PCP4L1: variants seen among roughly 807,000 people sequenced by gnomAD.
PCP4L1 encodes Purkinje cell protein 4 like 1.
In PCP4L1, 9 loss-of-function variants were observed where a neutral mutation model predicts 9.6. The ratio of observed to expected loss-of-function variants is 0.94; its 90% CI spans 0.57 to 1.64. The LOEUF (loss-of-function observed/expected upper bound fraction) is 1.64, where lower values mean the gene tolerates loss of function less well. PCP4L1 is among the 40% of genes most tolerant of loss of function. The pLI is 0.00. For synonymous variants in PCP4L1, 31 were observed against 28.2 expected, an observed-to-expected ratio of 1.10 and a Z score of -0.31; for missense variants, 81 against 80.8, an observed-to-expected ratio of 1.00 and a Z score of -0.01.
intron 2 of PCP4L1, 23 bp from the exon 3 acceptor site, chr1:161,284,316 A>G (rs373713059): frequency 3.8e-5 from 61 of 1,613,872 alleles, no homozygotes; most frequent in Non-Finnish European, 4.6e-5. Flanking sequence ...TAACTCATTA[A>G]TGAGTCTCCC....
intron 1 of PCP4L1, among the ~76,000 whole-genome samples, chr1:161,265,200 G>A (rs183129138): frequency 7.2e-5 from 11 of 152,254 alleles, no homozygotes; most frequent in Middle Eastern, 3.4e-3. Context: ...TCGTTTGGCC[G>A]TTTGACTTCC....
intron 1 of PCP4L1, among the ~76,000 whole-genome samples, chr1:161,267,794 C>T (rs1427213223): frequency 6.6e-6 from 1 of 152,120 alleles, no homozygotes; most frequent in Non-Finnish European, 1.5e-5. Context: ...CTCACCGTGA[C>T]CTCTGCCTCC....
At chr1:161,259,583 C>T (rs968976329) in intron 1 of PCP4L1, among the ~76,000 whole-genome samples, 3 of 152,198 alleles carry the variant, frequency 2.0e-5, no homozygotes. Context: ...GTGCTTGTTA[C>T]AAACTAGGTC....
Position 161,282,316 on chromosome 1 carries a change from C to T in PCP4L1, c.10-1352C>T, listed in dbSNP as rs1406316581. Among the ~76,000 whole-genome samples the T allele has an allele frequency of 2.0e-5, 3 of 150,676 alleles. No homozygotes were observed. The East Asian group carries it at 6.0e-4, about 30-fold the overall frequency. On this transcript the variant is annotated intron_variant, in intron 1 of 2. Transcript: ENST00000504449. ...GCAGGAGAATCAGGCAGGGAGGTTG[C>T]AGTGAGCCGAGATGGCAGCAGTACA...
intron 1 of PCP4L1, among the ~76,000 whole-genome samples, chr1:161,262,543 T>G (rs1174266630): frequency 6.6e-6 from 1 of 152,150 alleles, no homozygotes; most frequent in African/African-American, 2.4e-5. Context: ...CCATTTATGT[T>G]GCTGGTTTTA....
At chr1:161,281,945 G>T (rs1323274435) in intron 1 of PCP4L1, among the ~76,000 whole-genome samples, 2 of 152,092 alleles carry the variant, frequency 1.3e-5, no homozygotes, top group African/African-American at 4.8e-5. Context: ...CCAGACGATG[G>T]GCGGCCAGGC....
At chr1:161,259,097 T>G in intron 1 of PCP4L1, 114 bp downstream of exon 1, 1 of 1,404,876 alleles carries the variant, frequency 7.1e-7, no homozygotes, top group Non-Finnish European at 9.4e-7. Context: ...CGAAGAACCC[T>G]CCAGGGGCGC....
At chr1:161,278,885 T>G (rs1054870714) in intron 1 of PCP4L1, among the ~76,000 whole-genome samples, 3 of 152,202 alleles carry the variant, frequency 2.0e-5, no homozygotes, top group African/African-American at 7.2e-5. Context: ...CAGGCTCAAG[T>G]GATCCTCCCA....
Position 161,271,841 on chromosome 1 carries a change from G to A in PCP4L1, c.10-11827G>A, listed in dbSNP as rs181538448. On this transcript the variant is annotated intron_variant, in intron 1 of 2. Coordinates refer to ENST00000504449, the MANE Select transcript of PCP4L1 (RefSeq NM_001102566.2). ...CTTTTTTGAGACAAGCTCTCACTCT[G>A]TCACCCAGGCTGGAGTGCAGTGGCA... Among the ~76,000 whole-genome samples, 418 of 151,054 alleles carry A rather than the reference G, an allele frequency of 2.8e-3. 1 individual carries two copies. The highest frequency in any genetic ancestry group is 6.9e-3 in the Middle Eastern group (2 of 290).
At chr1:161,264,980 G>T (rs1432368839) in intron 1 of PCP4L1, among the ~76,000 whole-genome samples, 1 of 152,194 alleles carries the variant, frequency 6.6e-6, no homozygotes, top group Non-Finnish European at 1.5e-5. Flanking sequence ...CATTACGCAG[G>T]ATGCCTAGTC....
chr1:161,261,859 T>C (rs1669423777), intron 1 of PCP4L1, among the ~76,000 whole-genome samples: 1 of 152,150 alleles, frequency 6.6e-6, no homozygotes. Context: ...TGCTCCTTCA[T>C]TATCCTGTTT....
At chr1:161,259,211 T>C (rs756187573) in intron 1 of PCP4L1, among the ~76,000 whole-genome samples, 2 of 152,194 alleles carry the variant, frequency 1.3e-5, no homozygotes, top group East Asian at 1.9e-4. Context: ...TTGGGGGTAA[T>C]TGGAATCGGC....
At chr1:161,276,670 G>A (rs1166597140) in intron 1 of PCP4L1, among the ~76,000 whole-genome samples, 3 of 133,760 alleles carry the variant, frequency 2.2e-5, no homozygotes, top group Non-Finnish European at 3.1e-5. Flanking sequence ...GACAAAGCAA[G>A]ACTTATCTCT....
chr1:161,278,586 C>A (rs1669741913), intron 1 of PCP4L1, among the ~76,000 whole-genome samples: 1 of 151,438 alleles, frequency 6.6e-6, no homozygotes, highest in Non-Finnish European at 1.5e-5. Context: ...TTTTTTCTAC[C>A]CATCTGTCAG....
intron 1 of PCP4L1, among the ~76,000 whole-genome samples, chr1:161,275,515 C>CAAA (rs11302998): frequency 1.1e-5 from 1 of 91,880 alleles, no homozygotes; most frequent in African/African-American, 4.1e-5. Flanking sequence ...GACTCCGTCT[C>CAAA]AAAAAAAAAA....
intron 1 of PCP4L1, among the ~76,000 whole-genome samples, chr1:161,262,252 G>A (rs1021849918): frequency 1.2e-4 from 18 of 151,904 alleles, no homozygotes; most frequent in African/African-American, 3.9e-4. Context: ...GGCTAACATG[G>A]TGAAACCCCA....
At chr1:161,278,931 C>T (rs549322692) in intron 1 of PCP4L1, among the ~76,000 whole-genome samples, 12 of 152,278 alleles carry the variant, frequency 7.9e-5, no homozygotes, top group Non-Finnish European at 1.0e-4. Flanking sequence ...CACAAGTGCA[C>T]GCCACCATGC....
chr1:161,259,998 G>A (rs144836233), intron 1 of PCP4L1, among the ~76,000 whole-genome samples: 76 of 152,316 alleles, frequency 5.0e-4, no homozygotes, highest in South Asian at 1.7e-3. Context: ...AATTAAATGA[G>A]ATAATATATG....
At chr1:161,263,899 C>CTTTTT (rs1160429112) in intron 1 of PCP4L1, among the ~76,000 whole-genome samples, 6 of 70,792 alleles carry the variant, frequency 8.5e-5, no homozygotes, top group South Asian at 5.0e-4. Flanking sequence ...ACTTTCTTTC[C>CTTTTT]TTTTTTTTTT....
Sources: gnomAD v4.1 joint callset for allele counts (sites outside exome capture counted in the v4.1 genomes callset) on GRCh38, gnomAD v4.1.1 for gene constraint, MANE v1.5 for transcripts, NCBI Gene and HGNC (gene_info 2026-07-23, HGNC 2026-07-21) for gene names.